Variants in XRCC5 observed in about 807,000 individuals in gnomAD.
XRCC5 encodes DNA repair protein Ku80.
XRCC5 carries 12 observed loss-of-function variants against 95.7 expected under a neutral mutation model. The ratio of observed to expected loss-of-function variants is 0.13; its 90% CI spans 0.08 to 0.20. The LOEUF (loss-of-function observed/expected upper bound fraction) is 0.20. XRCC5 is among the 10% of genes least tolerant of loss of function. XRCC5 has a pLI of 1.00. For missense variants in XRCC5, 595 were observed against 873.9 expected (o/e 0.68, Z 4.02); for synonymous variants, 281 against 290.3 (o/e 0.97, Z 0.33).
At chr2:216,150,397 A>G (rs1028258651) in intron 14 of XRCC5, among the ~76,000 whole-genome samples, 6 of 152,226 alleles carry the variant, frequency 3.9e-5, no homozygotes, top group Admixed American at 3.3e-4. Flanking sequence ...AGCAACTGAC[A>G]TCCTTCACTT....
chr2:216,122,910 G>A (rs1268833328), intron 6 of XRCC5, among the ~76,000 whole-genome samples: 1 of 152,210 alleles, frequency 6.6e-6, no homozygotes, highest in African/African-American at 2.4e-5. Context: ...GACTATGGAA[G>A]AGACCATCTC....
chr2:216,162,220 T>C (rs1461003342), intron 16 of XRCC5, among the ~76,000 whole-genome samples, 172 bp downstream of exon 16: 1 of 152,220 alleles, frequency 6.6e-6, no homozygotes, highest in Non-Finnish European at 1.5e-5. Flanking sequence ...TATGAGCACA[T>C]GAAAGTGAAC....
At chr2:216,149,540 A>G (rs187809964) in intron 14 of XRCC5, among the ~76,000 whole-genome samples, 1 of 152,312 alleles carries the variant, frequency 6.6e-6, no homozygotes, top group Non-Finnish European at 1.5e-5. Flanking sequence ...ACAGTTCAAT[A>G]AAAGTCTGCA....
rs539999533 is a variant in XRCC5 at position 216,145,835 on chromosome 2, T to C, written c.1477-2248T>C. ...CTTGTCCATTGGTTGTTCTAGCCCT[T>C]TTCCAAGAAATGTCAATTGGATATC... is the stretch of plus-strand genomic sequence containing the variant. On this transcript the variant is annotated intron_variant, in intron 13 of 20. Transcript: ENST00000392132. Among the ~76,000 whole-genome samples, 18 of 152,336 alleles carry C rather than the reference T, an allele frequency of 1.2e-4. No individual in the cohort carries two copies. The East Asian group carries it at 2.7e-3, about 23-fold the overall frequency.
intron 16 of XRCC5, among the ~76,000 whole-genome samples, chr2:216,181,342 C>T (rs1394387002): frequency 6.6e-6 from 1 of 152,110 alleles, no homozygotes; most frequent in African/African-American, 2.4e-5. Context: ...GTTCTTATAG[C>T]ACAGATTTTA....
At chr2:216,156,024 TAA>T (rs1688835876) in intron 14 of XRCC5, among the ~76,000 whole-genome samples, 1 of 152,174 alleles carries the variant, frequency 6.6e-6, no homozygotes, top group African/African-American at 2.4e-5. Context: ...GCGAAGACAC[TAA>T]GTTACAATGA....
intron 19 of XRCC5, among the ~76,000 whole-genome samples, chr2:216,203,817 A>G (rs1297525303): frequency 6.7e-6 from 1 of 148,416 alleles, no homozygotes; most frequent in Non-Finnish European, 1.5e-5. Flanking sequence ...GCTTTTGTCC[A>G]CAGTGGAATT....
chr2:216,176,515 T>A lies in XRCC5; in HGVS notation c.1835-13710T>A, dbSNP rs893096606. Among the ~76,000 whole-genome samples the A allele has an allele frequency of 9.2e-5, 14 of 152,334 alleles. No homozygotes were observed. In the East Asian group the frequency reaches 2.7e-3, roughly 29 times the overall value. On this transcript the variant is annotated intron_variant, in intron 16 of 20. Coordinates refer to ENST00000392132, the MANE Select transcript of XRCC5 (RefSeq NM_021141.4). ...TAAGAATTTGTTCCTTTTGTCTAAT[T>A]TTTTAGTATAACATTGATTATTATT...
At chr2:216,175,455 C>T in intron 16 of XRCC5, 1 of 516,498 alleles carries the variant, frequency 1.9e-6, no homozygotes, top group Non-Finnish European at 3.9e-6. Flanking sequence ...TTTCACTTTA[C>T]AGTTGTGCTT....
intron 18 of XRCC5, 79 bp from the exon 19 acceptor site, chr2:216,194,840 G>C: frequency 7.8e-7 from 1 of 1,285,752 alleles, no homozygotes; most frequent in Non-Finnish European, 1.1e-6. Context: ...TCAAAGGTGG[G>C]AGGAGGTGTG....
intron 2 of XRCC5, among the ~76,000 whole-genome samples, chr2:216,114,298 TC>T (rs997216249): frequency 3.9e-5 from 6 of 152,260 alleles, no homozygotes; most frequent in African/African-American, 1.4e-4. Context: ...CACTTCTGTT[TC>T]TTCTGTGTGT....
intron 1 of XRCC5, among the ~76,000 whole-genome samples, chr2:216,112,008 T>C (rs191233897): frequency 1.3e-5 from 2 of 152,328 alleles, no homozygotes; most frequent in Non-Finnish European, 2.9e-5. Flanking sequence ...TGAAGTAAGA[T>C]AGGTGTGGGG....
intron 16 of XRCC5, among the ~76,000 whole-genome samples, chr2:216,178,527 A>G (rs1689320096): frequency 6.6e-6 from 1 of 152,236 alleles, no homozygotes; most frequent in Non-Finnish European, 1.5e-5. Flanking sequence ...GGCATCAAGC[A>G]GCTTGATCAA....
intron 2 of XRCC5, among the ~76,000 whole-genome samples, chr2:216,115,243 A>G (rs1696672097): frequency 6.6e-6 from 1 of 152,174 alleles, no homozygotes; most frequent in Non-Finnish European, 1.5e-5. Flanking sequence ...TCTCTGGATA[A>G]CTGCCGACTT....
intron 16 of XRCC5, among the ~76,000 whole-genome samples, chr2:216,171,032 C>G (rs1689155706): frequency 6.6e-6 from 1 of 152,178 alleles, no homozygotes; most frequent in East Asian, 1.9e-4. Context: ...GATGTGCAAA[C>G]TGCTTTAATC....
intron 16 of XRCC5, among the ~76,000 whole-genome samples, chr2:216,174,127 C>T (rs913558423): frequency 7.9e-5 from 12 of 151,812 alleles, no homozygotes; most frequent in African/African-American, 2.7e-4. Context: ...ACCAGTGAAG[C>T]CATCTGAGTT....
Position 216,200,790 on chromosome 2 carries a change from A to G in XRCC5, c.2110-3532A>G, listed in dbSNP as rs1425410668. Among the ~76,000 whole-genome samples the G allele has an allele frequency of 6.6e-5, 10 of 152,240 alleles. No individual in the cohort carries two copies. The South Asian group carries it at 2.1e-3, about 32-fold the overall frequency. On this transcript the variant is annotated intron_variant, in intron 19 of 20. Transcript: ENST00000392132. Reference sequence around the variant, plus strand: ...TTGGAATCATGCCTTTTTTTCATCAATTATGTGATTATAGCTATGTAGTAA... The same window carrying G: ...TTGGAATCATGCCTTTTTTTCATCAGTTATGTGATTATAGCTATGTAGTAA...
intron 2 of XRCC5, among the ~76,000 whole-genome samples, chr2:216,113,751 G>A (rs768127393): frequency 2.0e-5 from 3 of 152,160 alleles, no homozygotes; most frequent in Non-Finnish European, 4.4e-5. Context: ...AGCTCAGTTG[G>A]GGCTGTCCGT....
rs376814697 is a variant in XRCC5 at position 216,148,249 on chromosome 2, T to C, written c.1643T>C (p.Val548Ala). 2.5e-6 allele frequency: 4 copies of C among 1,611,062 alleles called. No individual in the cohort carries two copies. In the African/African-American group the frequency reaches 5.4e-5, roughly 22 times the overall value. ...ATTGAAGCCAAGAAAAAGGATCAAG[T>C]GACTGCTCAGGAAATTTTCCAAGAC... ...PLIEAKKKDQVTAQEIFQDNH... is the reference protein window; with the variant it reads ...PLIEAKKKDQATAQEIFQDNH... Residue 548 changes from valine (V) to alanine (A), a missense_variant, in exon 14 of 21, where the codon GTG becomes GCG. This residue lies in a region of XRCC5 where 309 missense variants were observed against 382.9 expected (regional missense o/e 0.81). Transcript: ENST00000392132.
Sources: allele counts gnomAD v4.1 joint callset (sites outside exome capture counted in the v4.1 genomes callset), GRCh38; gene constraint gnomAD v4.1.1; regional missense constraint gnomAD v4.1.1; transcripts MANE v1.5; gene names NCBI Gene and HGNC (gene_info 2026-07-23, HGNC 2026-07-21).